DOK5: variants seen among roughly 807,000 people sequenced by gnomAD.
DOK5 encodes the protein docking protein 5.
In DOK5, 27 loss-of-function variants were observed where a neutral mutation model predicts 43.3. That is an observed-to-expected ratio of 0.62 (90% CI 0.46 to 0.86). The LOEUF (loss-of-function observed/expected upper bound fraction) is 0.86, where lower values mean the gene tolerates loss of function less well. Among genes scored for constraint, DOK5 ranks in the 40% least tolerant of loss-of-function variants. DOK5 has a pLI of 0.00. For synonymous variants in DOK5, 146 were observed against 140.1 expected (o/e 1.04, Z -0.30); for missense variants, 373 against 392.9 (o/e 0.95, Z 0.43).
intron 2 of DOK5, among the ~76,000 whole-genome samples, chr20:54,574,381 T>C (rs544617387): frequency 6.6e-6 from 1 of 152,232 alleles, no homozygotes; most frequent in East Asian, 1.9e-4. Flanking sequence ...CTGACGATGA[T>C]GTGACATTTT....
intron 6 of DOK5, among the ~76,000 whole-genome samples, chr20:54,640,604 G>C (rs1979066843): frequency 6.6e-6 from 1 of 152,208 alleles, no homozygotes; most frequent in Non-Finnish European, 1.5e-5. Context: ...AGAGAGCCCG[G>C]CTTTGTACCG....
At chr20:54,614,524 G>T (rs946410215) in intron 6 of DOK5, among the ~76,000 whole-genome samples, 1 of 152,144 alleles carries the variant, frequency 6.6e-6, no homozygotes, top group African/African-American at 2.4e-5. Flanking sequence ...AGCATAAATT[G>T]TTTTGTACTT....
chr20:54,500,562 T>C (rs1448543234), intron 1 of DOK5, among the ~76,000 whole-genome samples: 1 of 143,726 alleles, frequency 7.0e-6, no homozygotes, highest in Non-Finnish European at 1.5e-5. Context: ...AGTGTATTTT[T>C]TTTTTTTTTT....
intron 1 of DOK5, among the ~76,000 whole-genome samples, chr20:54,485,120 G>A (rs950767041): frequency 6.6e-6 from 1 of 152,106 alleles, no homozygotes; most frequent in Non-Finnish European, 1.5e-5. Flanking sequence ...TCACAAGGTC[G>A]GGAGTTGGTG....
chr20:54,487,622 T>C (rs374994498), intron 1 of DOK5, among the ~76,000 whole-genome samples: 3 of 152,216 alleles, frequency 2.0e-5, no homozygotes, highest in Admixed American at 6.5e-5. Flanking sequence ...TAAAATAGGT[T>C]TTCTAAAATT....
At chr20:54,580,838 T>A (rs1323202249) in intron 2 of DOK5, among the ~76,000 whole-genome samples, 1 of 152,188 alleles carries the variant, frequency 6.6e-6, no homozygotes, top group African/African-American at 2.4e-5. Context: ...GCCTTTTCAC[T>A]CTGTTGATTG....
chr20:54,502,493 G>A (rs1307314107), intron 1 of DOK5, among the ~76,000 whole-genome samples: 1 of 151,736 alleles, frequency 6.6e-6, no homozygotes, highest in African/African-American at 2.4e-5. Flanking sequence ...AGTTCAAAAG[G>A]GTATACAGGA....
chr20:54,516,130 C>G (rs558837092), intron 1 of DOK5, among the ~76,000 whole-genome samples: 1 of 152,092 alleles, frequency 6.6e-6, no homozygotes, highest in African/African-American at 2.4e-5. Flanking sequence ...CTCATTTCCC[C>G]GTATATAATT....
chr20:54,546,160 T>C (rs1984336867), intron 1 of DOK5, among the ~76,000 whole-genome samples: 2 of 152,222 alleles, frequency 1.3e-5, no homozygotes. Flanking sequence ...TTTGCTCATC[T>C]GTGAAATAGG....
At chr20:54,519,576 G>T (rs1376578838) in intron 1 of DOK5, among the ~76,000 whole-genome samples, 1 of 152,056 alleles carries the variant, frequency 6.6e-6, no homozygotes, top group Non-Finnish European at 1.5e-5. Flanking sequence ...TCATCATTTA[G>T]GTCAAAGTTT....
intron 7 of DOK5, among the ~76,000 whole-genome samples, chr20:54,647,598 G>C (rs940591233): frequency 6.6e-6 from 1 of 151,838 alleles, no homozygotes; most frequent in African/African-American, 2.4e-5. Flanking sequence ...GATTCTTTTA[G>C]GAATGCATTG....
At chr20:54,545,202 G>T (rs967436072) in intron 1 of DOK5, among the ~76,000 whole-genome samples, 1 of 152,248 alleles carries the variant, frequency 6.6e-6, no homozygotes, top group South Asian at 2.1e-4. Flanking sequence ...TGCAAAGATG[G>T]TTTCACTCTT....
intron 1 of DOK5, among the ~76,000 whole-genome samples, chr20:54,529,542 TA>T (rs5841995): frequency 0.24 from 34,811 of 148,128 alleles, 6,507 homozygotes; most frequent in African/African-American, 0.53. Flanking sequence ...AGGGTGACTT[TA>T]AAAAAAAAAA....
At chr20:54,558,728 A>C (rs776120893) in intron 2 of DOK5, among the ~76,000 whole-genome samples, 22 of 152,208 alleles carry the variant, frequency 1.4e-4, no homozygotes, top group Non-Finnish European at 2.1e-4. Context: ...TGGTGGATGC[A>C]GACATATCCC....
chr20:54,566,417 T>A (rs1985099998), intron 2 of DOK5, among the ~76,000 whole-genome samples: 1 of 151,492 alleles, frequency 6.6e-6, no homozygotes, highest in Non-Finnish European at 1.5e-5. Flanking sequence ...TCCCCCCTCC[T>A]CTCCATTTCT....
rs1166459343 is a variant in DOK5, at chr20:54,588,617, G to T, written c.289+20G>T. 1 of 1,613,954 alleles carries T rather than the reference G, an allele frequency of 6.2e-7. No homozygotes were observed. The highest frequency in any genetic ancestry group is 8.5e-7 in the Non-Finnish European group (1 of 1,179,890). On this transcript the variant is annotated intron_variant, in intron 3 of 7. Coordinates refer to ENST00000262593, the MANE Select transcript of DOK5 (RefSeq NM_018431.5). ...AATCAGGTTTGTCTCAGGCAGGGCT[G>T]GGGGGCTTTTGCTTTTAGATTCTGA...
At chr20:54,616,017 G>A (rs970685653) in intron 6 of DOK5, among the ~76,000 whole-genome samples, 4 of 152,258 alleles carry the variant, frequency 2.6e-5, no homozygotes, top group East Asian at 3.9e-4. Flanking sequence ...CTCTAGAACC[G>A]TAAGACAATA....
intron 1 of DOK5, among the ~76,000 whole-genome samples, chr20:54,515,288 C>T (rs1490645562): frequency 6.6e-6 from 1 of 152,190 alleles, no homozygotes; most frequent in Non-Finnish European, 1.5e-5. Flanking sequence ...TGCTGGATTA[C>T]AGGCATGAGC....
chr20:54,520,189 T>A (rs1983346423), intron 1 of DOK5, among the ~76,000 whole-genome samples: 1 of 152,164 alleles, frequency 6.6e-6, no homozygotes, highest in Admixed American at 6.5e-5. Flanking sequence ...AAACGACATC[T>A]CCAATCTTCC....
Sources: allele counts gnomAD v4.1 joint callset (sites outside exome capture counted in the v4.1 genomes callset), GRCh38; gene constraint gnomAD v4.1.1; transcripts MANE v1.5; gene names NCBI Gene and HGNC (gene_info 2026-07-23, HGNC 2026-07-21).